SYT16: variants seen among roughly 807,000 people sequenced by gnomAD.
SYT16 encodes the protein synaptotagmin 16.
In SYT16, 42 loss-of-function variants were observed where a neutral mutation model predicts 61.4. That is an observed-to-expected ratio of 0.68 (90% CI 0.53 to 0.89). The LOEUF (loss-of-function observed/expected upper bound fraction) is 0.89, where lower values mean the gene tolerates loss of function less well. Ranked by LOEUF, SYT16 falls within the 40% of genes least tolerant of loss-of-function variation. SYT16 has a pLI of 0.00. For missense variants in SYT16, 804 were observed against 807.3 expected (o/e 1.00, Z 0.05); for synonymous variants, 314 against 302.3 (o/e 1.04, Z -0.40).
intron 1 of SYT16, among the ~76,000 whole-genome samples, chr14:61,922,247 G>A (rs2049360531): frequency 6.6e-6 from 1 of 152,246 alleles, no homozygotes; most frequent in Admixed American, 6.5e-5. Context: ...GTTCATTGCA[G>A]CACTATTCGC....
chr14:61,980,520 A>G (rs955993168), intron 2 of SYT16, among the ~76,000 whole-genome samples: 2 of 152,222 alleles, frequency 1.3e-5, no homozygotes, highest in African/African-American at 4.8e-5. Flanking sequence ...AGATGGGCCC[A>G]TCACCTGTTT....
At chr14:62,060,443 A>G (rs542985294) in intron 3 of SYT16, among the ~76,000 whole-genome samples, 1 of 151,068 alleles carries the variant, frequency 6.6e-6, no homozygotes, top group African/African-American at 2.4e-5. Flanking sequence ...GATTTTAGCT[A>G]TAGGGTTTTA....
At chr14:61,878,048 C>A (rs1439367820) in intron 1 of SYT16, among the ~76,000 whole-genome samples, 1 of 152,132 alleles carries the variant, frequency 6.6e-6, no homozygotes, top group African/African-American at 2.4e-5. Context: ...TGTATGAACA[C>A]TGATCATTTC....
At chr14:61,827,512 G>A (rs1173422725) in intron 1 of SYT16, among the ~76,000 whole-genome samples, 1 of 152,164 alleles carries the variant, frequency 6.6e-6, no homozygotes, top group Non-Finnish European at 1.5e-5. Flanking sequence ...CTGAGGTGCA[G>A]CAATAGAGAT....
chr14:61,887,902 A>G (rs1270036468), intron 1 of SYT16, among the ~76,000 whole-genome samples: 1 of 152,170 alleles, frequency 6.6e-6, no homozygotes, highest in Non-Finnish European at 1.5e-5. Flanking sequence ...CTGAAGTAGC[A>G]ATTTTAGTTT....
chr14:61,907,298 G>C (rs959078453), intron 1 of SYT16, among the ~76,000 whole-genome samples: 1 of 152,224 alleles, frequency 6.6e-6, no homozygotes, highest in Non-Finnish European at 1.5e-5. Context: ...ATATTAACTA[G>C]AGATGACGTT....
chr14:61,943,944 T>C (rs2050315770), intron 1 of SYT16, among the ~76,000 whole-genome samples: 1 of 152,198 alleles, frequency 6.6e-6, no homozygotes, highest in Admixed American at 6.5e-5. Context: ...AGTCAAATTG[T>C]CTCTGTTTGC....
intron 2 of SYT16, among the ~76,000 whole-genome samples, chr14:61,984,366 C>T (rs2140574635): frequency 6.6e-6 from 1 of 152,230 alleles, no homozygotes; most frequent in Middle Eastern, 3.4e-3. Context: ...TGAAATGAAT[C>T]AAATGTGTAT....
chr14:62,037,340 T>G (rs998052732), intron 3 of SYT16, among the ~76,000 whole-genome samples: 1 of 152,158 alleles, frequency 6.6e-6, no homozygotes, highest in Admixed American at 6.6e-5. Context: ...TTATATTAAT[T>G]TACCAATAAT....
At chr14:62,052,622 A>C (rs1180331574) in intron 3 of SYT16, among the ~76,000 whole-genome samples, 1 of 152,194 alleles carries the variant, frequency 6.6e-6, no homozygotes, top group Non-Finnish European at 1.5e-5. Flanking sequence ...TCCCCAAAAA[A>C]CACTCATTTC....
intron 1 of SYT16, among the ~76,000 whole-genome samples, chr14:61,815,364 T>A (rs80174166): frequency 6.1e-4 from 93 of 152,292 alleles, no homozygotes; most frequent in Non-Finnish European, 1.1e-3. Context: ...CAATATTGCC[T>A]TAGGGCTATA....
intron 1 of SYT16, among the ~76,000 whole-genome samples, chr14:61,858,153 A>G (rs1265563664): frequency 1.3e-5 from 2 of 151,308 alleles, no homozygotes; most frequent in Non-Finnish European, 2.9e-5. Flanking sequence ...AGAAAGAAAA[A>G]AAGAAAAAAA....
At position 61,889,134 on chromosome 14, in the gene SYT16, A is replaced by C. The variant is rs1041960901; in HGVS notation, c.-325+76324A>C. On this transcript the variant is annotated intron_variant, in intron 1 of 7. Transcript: ENST00000683842. ...AGGGACCACTGCCATAGGGTCTTGC[A>C]GTGGAGGAGAGAGCCTGGACTCAAC... Among the ~76,000 whole-genome samples the C allele has an allele frequency of 5.9e-5, 9 of 152,352 alleles. No individual in the cohort carries two copies. In the East Asian group the frequency reaches 1.7e-3, roughly 29 times the overall value.
intron 3 of SYT16, among the ~76,000 whole-genome samples, chr14:62,054,479 G>C (rs2055456377): frequency 6.6e-6 from 1 of 151,146 alleles, no homozygotes; most frequent in African/African-American, 2.4e-5. Context: ...TCCCACCTCA[G>C]CCTGACTAGT....
chr14:61,882,838 A>G (rs1007214883), intron 1 of SYT16, among the ~76,000 whole-genome samples: 1 of 152,376 alleles, frequency 6.6e-6, no homozygotes, highest in Non-Finnish European at 1.5e-5. Context: ...AATAAGATAC[A>G]TTGGCAAAAA....
chr14:61,991,689 T>C (rs2052555050), intron 2 of SYT16, among the ~76,000 whole-genome samples: 1 of 152,194 alleles, frequency 6.6e-6, no homozygotes. Context: ...GAGATTTGGC[T>C]TCTTTCCAAT....
chr14:61,927,745 G>A lies in SYT16; in HGVS notation c.-324-42387G>A, dbSNP rs527444474. Reference sequence around the variant, plus strand: ...GCTGGCTTTCCTTTACCCCTGCTAGGTGGGAACTGCAGTTTTGCACAGTTG... The same window carrying A: ...GCTGGCTTTCCTTTACCCCTGCTAGATGGGAACTGCAGTTTTGCACAGTTG... On this transcript the variant is annotated intron_variant, in intron 1 of 7. Transcript: ENST00000683842. Among the ~76,000 whole-genome samples, 4 of 152,254 alleles carry A rather than the reference G, an allele frequency of 2.6e-5. No homozygotes were observed. The South Asian group carries it at 8.3e-4, about 32-fold the overall frequency.
intron 1 of SYT16, among the ~76,000 whole-genome samples, chr14:61,845,707 TTTC>T (rs1481305454): frequency 6.6e-6 from 1 of 152,206 alleles, no homozygotes; most frequent in Non-Finnish European, 1.5e-5. Context: ...CTTTATTTCT[TTTC>T]TTCTACTAAT....
At chr14:62,020,406 C>CCT (rs1446035927) in intron 3 of SYT16, among the ~76,000 whole-genome samples, 2 of 146,460 alleles carry the variant, frequency 1.4e-5, no homozygotes, top group Non-Finnish European at 3.1e-5. Context: ...ACCGCATACA[C>CCT]CTCTCCCTCT....
Sources: allele counts gnomAD v4.1 joint callset (sites outside exome capture counted in the v4.1 genomes callset), GRCh38; gene constraint gnomAD v4.1.1; transcripts MANE v1.5; gene names NCBI Gene and HGNC (gene_info 2026-07-23, HGNC 2026-07-21).